Variants in FSTL5 observed in about 807,000 individuals in gnomAD.
The protein encoded by FSTL5 is follistatin like 5, also known as follistatin-related protein 5.
Under a neutral mutation model 89.1 loss-of-function variants are expected in FSTL5, and 62 were observed. That is an observed-to-expected ratio of 0.70 (90% CI 0.57 to 0.86). The LOEUF is 0.86. Among genes scored for constraint, FSTL5 ranks in the 40% least tolerant of loss-of-function variants. The probability of loss-of-function intolerance (pLI) is 0.00; values close to 1 mark genes in which losing one functional copy is unlikely to be tolerated. For synonymous variants in FSTL5, 383 were observed against 346.2 expected (o/e 1.11, Z -1.18); for missense variants, 1,057 against 1,001.6 (o/e 1.06, Z -0.75).
chr4:161,809,262 A>T (rs1217801745), intron 4 of FSTL5, among the ~76,000 whole-genome samples: 1 of 152,152 alleles, frequency 6.6e-6, no homozygotes, highest in African/African-American at 2.4e-5. Flanking sequence ...ACAATGAGCT[A>T]TAACATCACA....
At chr4:161,417,402 G>T (rs923335286) in intron 15 of FSTL5, among the ~76,000 whole-genome samples, 1 of 152,094 alleles carries the variant, frequency 6.6e-6, no homozygotes, top group South Asian at 2.1e-4. Flanking sequence ...ATTCTAATTT[G>T]CAGTAATGTC....
intron 12 of FSTL5, among the ~76,000 whole-genome samples, chr4:161,489,646 A>G (rs1286192700): frequency 4.6e-5 from 7 of 152,174 alleles, no homozygotes; most frequent in Admixed American, 4.6e-4. Context: ...CAGCACAATT[A>G]GTAGATTGGT....
Position 161,465,876 on chromosome 4 carries a change from C to T in FSTL5, c.1609-6557G>A, listed in dbSNP as rs188588232. ...ATATTGAGATTATTAATTTACAATC[C>T]CTCTTCTGCAGTTTTATTGAATTAT... On this transcript the variant is annotated intron_variant, in intron 13 of 15. Coordinates refer to ENST00000306100, the MANE Select transcript of FSTL5 (RefSeq NM_020116.5). 8.5e-3 allele frequency among the ~76,000 whole-genome samples: 1,287 copies of T among 152,130 alleles called. 17 individuals are homozygous for T. The highest frequency in any genetic ancestry group is 0.03 in the African/African-American group (1,242 of 41,508).
At position 161,411,376 on chromosome 4, in the gene FSTL5, G is replaced by GAA. The variant is rs573693443; in HGVS notation, c.1842-24929_1842-24928dup. Among the ~76,000 whole-genome samples, 17 of 141,694 alleles carry GAA rather than the reference G, an allele frequency of 1.2e-4. 1 individual carries two copies. The highest frequency in any genetic ancestry group is 2.1e-4 in the African/African-American group (8 of 38,622). 93.0% of individuals were successfully genotyped at this position (141,694 alleles called of 152,430 possible). On this transcript the variant is annotated intron_variant, in intron 15 of 15. Transcript: ENST00000306100. Reference sequence around the variant, plus strand: ...CTGACAACAAAATCTGGCAGAGACGGAAAAAAAAAAAAGAAAACTTAAGAC... The same window carrying GAA: ...CTGACAACAAAATCTGGCAGAGACGGAAAAAAAAAAAAAAGAAAACTTAAGAC...
chr4:161,539,505 A>G (rs1307762403), intron 9 of FSTL5, among the ~76,000 whole-genome samples: 2 of 152,144 alleles, frequency 1.3e-5, no homozygotes, highest in African/African-American at 2.4e-5. Context: ...CATTCCCCAC[A>G]TAATTCACTG....
intron 3 of FSTL5, among the ~76,000 whole-genome samples, chr4:162,024,033 A>G (rs1301643019): frequency 6.6e-6 from 1 of 152,158 alleles, no homozygotes; most frequent in African/African-American, 2.4e-5. Flanking sequence ...CTTTTAATTT[A>G]CTAGGCCCTG....
intron 11 of FSTL5, among the ~76,000 whole-genome samples, chr4:161,506,021 C>G (rs1227305138): frequency 1.3e-5 from 2 of 151,992 alleles, no homozygotes; most frequent in Non-Finnish European, 2.9e-5. Context: ...TGTGAGAAGT[C>G]TTTTTCTTTT....
chr4:161,985,427 T>G (rs990787318), intron 3 of FSTL5, among the ~76,000 whole-genome samples: 2 of 152,200 alleles, frequency 1.3e-5, no homozygotes, highest in South Asian at 2.1e-4. Flanking sequence ...AAGACAAATT[T>G]GTGATTTACC....
intron 3 of FSTL5, among the ~76,000 whole-genome samples, chr4:162,009,213 A>C (rs1011006026): frequency 1.3e-5 from 2 of 152,196 alleles, no homozygotes; most frequent in African/African-American, 2.4e-5. Context: ...CATTGAAATA[A>C]ATGGAAAATG....
intron 3 of FSTL5, among the ~76,000 whole-genome samples, chr4:161,977,626 AAAAAAAAAAAAAAAAT>A (rs1178348127): frequency 4.6e-4 from 52 of 111,872 alleles, no homozygotes; most frequent in African/African-American, 2.1e-3. Flanking sequence ...AAAAAAAAAA[AAAAAAAAAAAAAAAAT>A]AATAATAATA....
intron 1 of FSTL5, among the ~76,000 whole-genome samples, chr4:162,132,259 A>G (rs575965343): frequency 6.6e-6 from 1 of 152,356 alleles, no homozygotes; most frequent in East Asian, 1.9e-4. Flanking sequence ...GGTTGGGGCC[A>G]GAAAACAATT....
At chr4:161,711,522 T>G (rs1241108840) in intron 6 of FSTL5, among the ~76,000 whole-genome samples, 1 of 151,958 alleles carries the variant, frequency 6.6e-6, no homozygotes, top group African/African-American at 2.4e-5. Context: ...ATATAAAAAC[T>G]CCCTACAATA....
chr4:161,922,254 A>T (rs1734013259), intron 3 of FSTL5, among the ~76,000 whole-genome samples: 1 of 151,974 alleles, frequency 6.6e-6, no homozygotes, highest in Admixed American at 6.6e-5. Context: ...GTGGAAAAAT[A>T]ATTTATTGAA....
chr4:162,102,095 T>C lies in FSTL5; in HGVS notation c.126+9176A>G, dbSNP rs72982669. Among the ~76,000 whole-genome samples, 957 of 152,270 alleles carry C rather than the reference T, an allele frequency of 6.3e-3. 6 individuals carry two copies. Among genetic ancestry groups the C allele is most frequent in the African/African-American group, 0.022 (917 of 41,560 alleles). On this transcript the variant is annotated intron_variant, in intron 2 of 15. Transcript: ENST00000306100. ...ATTAATGCAGATTTAGGTGTGTTGATTGTTATTCTTTAGCTAATTATTATG... is the reference window on the plus strand; with the variant it reads ...ATTAATGCAGATTTAGGTGTGTTGACTGTTATTCTTTAGCTAATTATTATG...
chr4:161,740,334 A>G (rs1739973961), intron 6 of FSTL5, among the ~76,000 whole-genome samples: 1 of 152,118 alleles, frequency 6.6e-6, no homozygotes, highest in Admixed American at 6.5e-5. Flanking sequence ...ATAGTATAGT[A>G]TCGCTTTTAG....
chr4:161,532,385 C>T (rs939165072), intron 10 of FSTL5, among the ~76,000 whole-genome samples: 1 of 152,038 alleles, frequency 6.6e-6, no homozygotes, highest in Non-Finnish European at 1.5e-5. Context: ...AGTACCCCCA[C>T]ATCAGTGAGG....
intron 10 of FSTL5, among the ~76,000 whole-genome samples, chr4:161,535,604 T>A (rs1054255588): frequency 6.6e-6 from 1 of 152,066 alleles, no homozygotes; most frequent in African/African-American, 2.4e-5. Context: ...GGCAAGGTTA[T>A]GGAGAAAAGC....
At chr4:161,437,911 G>GT (rs2126359226) in intron 15 of FSTL5, among the ~76,000 whole-genome samples, 1 of 152,266 alleles carries the variant, frequency 6.6e-6, no homozygotes, top group Admixed American at 6.5e-5. Flanking sequence ...ATAACAAGAA[G>GT]TAAGAAGACT....
intron 6 of FSTL5, among the ~76,000 whole-genome samples, chr4:161,658,221 C>T (rs373417740): frequency 1.3e-5 from 2 of 152,040 alleles, no homozygotes; most frequent in African/African-American, 4.8e-5. Flanking sequence ...ATTTCAGCAT[C>T]GGGAGGCAGA....
Sources: allele counts gnomAD v4.1 joint callset (sites outside exome capture counted in the v4.1 genomes callset), GRCh38; gene constraint gnomAD v4.1.1; transcripts MANE v1.5; gene names NCBI Gene and HGNC (gene_info 2026-07-23, HGNC 2026-07-21).